The following PARD3 variants were observed in gnomAD, a reference collection of about 807,000 sequenced individuals.
The protein encoded by PARD3 is partitioning defective 3 homolog.
Under a neutral mutation model 155.4 loss-of-function variants are expected in PARD3, and 75 were observed. That is an observed-to-expected ratio of 0.48 (90% CI 0.40 to 0.58). The LOEUF (loss-of-function observed/expected upper bound fraction) is 0.58, where lower values mean the gene tolerates loss of function less well. PARD3 is among the 20% of genes least tolerant of loss of function. PARD3 has a pLI of 0.00. For synonymous variants in PARD3, 576 were observed against 610.5 expected (o/e 0.94, Z 0.83); for missense variants, 1,642 against 1,721.7 (o/e 0.95, Z 0.82).
At chr10:34,258,615 T>C (rs1343240828) in intron 22 of PARD3, among the ~76,000 whole-genome samples, 2 of 152,116 alleles carry the variant, frequency 1.3e-5, no homozygotes, top group African/African-American at 4.8e-5. Flanking sequence ...AGAACTGGGC[T>C]AGTGAGATCA....
At chr10:34,460,018 C>A (rs1026266269) in intron 4 of PARD3, among the ~76,000 whole-genome samples, 5 of 152,122 alleles carry the variant, frequency 3.3e-5, no homozygotes, top group African/African-American at 1.2e-4. Flanking sequence ...TGCTTATTTT[C>A]ATTTATCATA....
In PARD3 at chr10:34,573,786, G is replaced by C. The variant is rs7080888; in HGVS notation, c.223-56627C>G. Reference sequence around the variant, plus strand: ...ACACACACACACACACACACACACAGAGAATCAGCCTCCAAGTACCGAACT... The same window carrying C: ...ACACACACACACACACACACACACACAGAATCAGCCTCCAAGTACCGAACT... On this transcript the variant is annotated intron_variant, in intron 2 of 24. Coordinates refer to ENST00000374788, the MANE Select transcript of PARD3 (RefSeq NM_001184785.2). Among the ~76,000 whole-genome samples, 798 of 128,484 alleles carry C rather than the reference G, an allele frequency of 6.2e-3. 8 individuals carry two copies. Among genetic ancestry groups the C allele is most frequent in the African/African-American group, 0.025 (699 of 27,520 alleles). 84.3% of individuals were successfully genotyped at this position (128,484 alleles called of 152,430 possible). A position where few individuals can be genotyped will look rare whatever the true frequency, so the allele number is the denominator to read the frequency against.
chr10:34,187,594 A>G (rs905436338), intron 22 of PARD3, among the ~76,000 whole-genome samples: 11 of 152,192 alleles, frequency 7.2e-5, no homozygotes, highest in African/African-American at 2.7e-4. Flanking sequence ...AAAGAATCTA[A>G]ACAACAGTTT....
chr10:34,707,632 T>C (rs2094385828), intron 1 of PARD3, among the ~76,000 whole-genome samples: 1 of 152,212 alleles, frequency 6.6e-6, no homozygotes, highest in African/African-American at 2.4e-5. Flanking sequence ...GTGGGTTTAG[T>C]GCTTCTATCC....
chr10:34,772,551 G>A (rs1442483736), intron 1 of PARD3, among the ~76,000 whole-genome samples: 1 of 151,208 alleles, frequency 6.6e-6, no homozygotes, highest in Non-Finnish European at 1.5e-5. Context: ...CAGCACTTTG[G>A]GAGGCTGAGG....
chr10:34,623,503 CAG>C (rs1347230441), intron 2 of PARD3, among the ~76,000 whole-genome samples: 1 of 152,164 alleles, frequency 6.6e-6, no homozygotes, highest in African/African-American at 2.4e-5. Flanking sequence ...ACCTCTGGAT[CAG>C]AGTGTTTTAC....
chr10:34,119,231 T>C (rs182080880), intron 24 of PARD3, among the ~76,000 whole-genome samples: 36 of 152,352 alleles, frequency 2.4e-4, no homozygotes, highest in African/African-American at 7.7e-4. Flanking sequence ...TCTGGATTTA[T>C]GAAGTATCAT....
chr10:34,365,437 T>C (rs1589316456), intron 12 of PARD3, among the ~76,000 whole-genome samples: 1 of 152,240 alleles, frequency 6.6e-6, no homozygotes. Flanking sequence ...TATGAATTAA[T>C]GTCTGCCTTC....
chr10:34,466,720 A>C (rs979295341), intron 4 of PARD3, among the ~76,000 whole-genome samples: 1 of 152,228 alleles, frequency 6.6e-6, no homozygotes, highest in Non-Finnish European at 1.5e-5. Flanking sequence ...GGCTTAACAG[A>C]AATAAATAAA....
intron 22 of PARD3, among the ~76,000 whole-genome samples, chr10:34,238,510 A>G (rs1385960612): frequency 1.3e-5 from 2 of 152,188 alleles, no homozygotes; most frequent in African/African-American, 4.8e-5. Flanking sequence ...AGTCCCAAAC[A>G]TCTCCCACAC....
At chr10:34,485,068 T>A (rs1297279197) in intron 3 of PARD3, among the ~76,000 whole-genome samples, 1 of 152,336 alleles carries the variant, frequency 6.6e-6, no homozygotes, top group African/African-American at 2.4e-5. Context: ...CCGGGCACAG[T>A]GGCATACATC....
At chr10:34,587,281 C>T (rs1488447952) in intron 2 of PARD3, among the ~76,000 whole-genome samples, 2 of 152,078 alleles carry the variant, frequency 1.3e-5, no homozygotes, top group Non-Finnish European at 2.9e-5. Flanking sequence ...TGCCAGCACA[C>T]CTGGCTAATT....
chr10:34,119,289 A>G (rs1946849064), intron 24 of PARD3, among the ~76,000 whole-genome samples: 2 of 152,022 alleles, frequency 1.3e-5, no homozygotes, highest in South Asian at 4.1e-4. Flanking sequence ...TTATCTTCCC[A>G]TTTTTCAGAT....
chr10:34,298,803 GTTGAATAAA>G (rs1379497188), intron 20 of PARD3, among the ~76,000 whole-genome samples: 2 of 152,200 alleles, frequency 1.3e-5, no homozygotes, highest in Non-Finnish European at 2.9e-5. Flanking sequence ...ATTAAGGATG[GTTGAATAAA>G]AAGGAGGTGG....
intron 2 of PARD3, among the ~76,000 whole-genome samples, chr10:34,644,461 G>A (rs1057076426): frequency 1.3e-5 from 2 of 152,254 alleles, no homozygotes; most frequent in African/African-American, 2.4e-5. Context: ...CATGGCTGGT[G>A]CCGGCTGACA....
At chr10:34,639,920 A>G (rs2092615628) in intron 2 of PARD3, among the ~76,000 whole-genome samples, 1 of 152,202 alleles carries the variant, frequency 6.6e-6, no homozygotes, top group Admixed American at 6.5e-5. Context: ...GAGTGTTATG[A>G]GAATCCATTT....
chr10:34,496,251 TAAAG>T (rs1017188779), intron 3 of PARD3, among the ~76,000 whole-genome samples: 3 of 150,980 alleles, frequency 2.0e-5, no homozygotes, highest in African/African-American at 7.3e-5. Flanking sequence ...ACAAAACTGA[TAAAG>T]AAACAGATGA....
At chr10:34,552,476 G>C (rs2084661242) in intron 2 of PARD3, among the ~76,000 whole-genome samples, 1 of 152,208 alleles carries the variant, frequency 6.6e-6, no homozygotes, top group South Asian at 2.1e-4. Context: ...GGGAGGCCAA[G>C]GCAGGTGGAT....
intron 2 of PARD3, among the ~76,000 whole-genome samples, chr10:34,573,339 G>C (rs909657786): frequency 2.0e-5 from 3 of 152,138 alleles, no homozygotes; most frequent in African/African-American, 4.8e-5. Flanking sequence ...CTAGGCAACA[G>C]AGTAAGACCC....
Sources: allele counts gnomAD v4.1 joint callset (sites outside exome capture counted in the v4.1 genomes callset), GRCh38; gene constraint gnomAD v4.1.1; transcripts MANE v1.5; gene names NCBI Gene and HGNC (gene_info 2026-07-23, HGNC 2026-07-21).